The following PXN variants were observed in gnomAD, a reference collection of about 807,000 sequenced individuals.
The protein encoded by PXN is paxillin, also known as testicular tissue protein Li 134.
Under a neutral mutation model 103.6 loss-of-function variants are expected in PXN, and 61 were observed. The ratio of observed to expected loss-of-function variants is 0.59; its 90% confidence interval spans 0.48 to 0.73. The LOEUF is 0.73. Among genes scored for constraint, PXN ranks in the 30% least tolerant of loss-of-function variants. The pLI is 0.00. For missense variants in PXN, 1,274 were observed against 1,460.3 expected, an observed-to-expected ratio of 0.87 and a Z score of 2.08; for synonymous variants, 562 against 607.8, an observed-to-expected ratio of 0.92 and a Z score of 1.11.
chr12:120,228,043 G>A lies in PXN; in HGVS notation c.14-3666C>T, dbSNP rs984663318. 2.6e-5 allele frequency among the ~76,000 whole-genome samples: 4 copies of A among 152,174 alleles called. No individual in the cohort carries two copies. Among genetic ancestry groups the A allele is most frequent in the African/African-American group, 9.7e-5 (4 of 41,434 alleles). ...ATATTCCTGCTCCTCATACCCCAAA[G>A]AAGGTGTCAGGCTATCCACTCTTCA... On this transcript the variant is annotated intron_variant, in intron 1 of 14. Coordinates refer to ENST00000637617, the MANE Select transcript of PXN (RefSeq NM_001385981.1). The surrounding 1 kb of genome is among the most constrained non-coding windows in gnomAD (Gnocchi z 4.7).
intron 2 of PXN, 127 bp from the exon 3 acceptor site, chr12:120,223,960 G>A: frequency 1.2e-6 from 1 of 869,396 alleles, no homozygotes; most frequent in South Asian, 1.7e-5. Flanking sequence ...TTCCACAGTT[G>A]GGCCAGGAAA....
Position 120,224,302 on chromosome 12 carries a change from G to A in PXN, c.89C>T (p.Pro30Leu). The A allele has an allele frequency of 5.6e-6, 9 of 1,613,978 alleles. No individual in the cohort carries two copies. The highest frequency in any genetic ancestry group is 1.1e-5 in the South Asian group (1 of 91,080). The change falls in exon 2 of 15, where the codon CCC becomes CTC. Residue 30 changes from proline to leucine, a missense_variant. Pro to Leu is a moderately conservative substitution (Grantham distance 98). Transcript: ENST00000637617. This position sits in a 1 kb window ranked among gnomAD's most constrained non-coding sequence, Gnocchi z 5.0. ...KRPVFLSEET[P>L]YSYPTGNHTY... is the part of the protein sequence containing the mutation. Reference sequence around the variant, plus strand: ...GTGGTTTCCAGTTGGGTATGAGTAGGGGGTCTCCTCCGACAAGAACACAGG... The same window carrying A: ...GTGGTTTCCAGTTGGGTATGAGTAGAGGGTCTCCTCCGACAAGAACACAGG...
At position 120,223,748 on chromosome 12, in the gene PXN, G is replaced by T; in HGVS notation, c.326C>A (p.Ser109Tyr). The T allele has an allele frequency of 1.2e-6, 2 of 1,605,920 alleles. No individual in the cohort carries two copies. The highest frequency in any genetic ancestry group is 2.2e-5 in the South Asian group (2 of 89,298). Reference sequence around the variant, plus strand: ...GACGTGCTCCTCCTCACCCACTCGGGAGCACGGAGAGCCAACACTGTCCTG... The same window carrying T: ...GACGTGCTCCTCCTCACCCACTCGGTAGCACGGAGAGCCAACACTGTCCTG... Reference protein sequence around the residue: ...NPQDSVGSPCSRVGEEEHVYS... With the variant: ...NPQDSVGSPCYRVGEEEHVYS... Residue 109 changes from serine (S) to tyrosine (Y), a missense_variant, in exon 3 of 15, where the codon TCC becomes TAC. Coordinates refer to ENST00000637617, the MANE Select transcript of PXN (RefSeq NM_001385981.1).
chr12:120,235,463 C>G (rs541065417), intron 1 of PXN, among the ~76,000 whole-genome samples: 1 of 152,228 alleles, frequency 6.6e-6, no homozygotes, highest in African/African-American at 2.4e-5. Flanking sequence ...GACTGCGCTG[C>G]CTGACTGCAG....
chr12:120,213,088 T>A lies in PXN; in HGVS notation c.2980-508A>T, dbSNP rs1162970844. On this transcript the variant is annotated intron_variant, in intron 14 of 14. Coordinates refer to ENST00000637617, the MANE Select transcript of PXN (RefSeq NM_001385981.1). The surrounding 1 kb of genome is among the most constrained non-coding windows in gnomAD (Gnocchi z 4.2). The stretch of plus-strand genomic sequence containing the variant: ...CACATCACATATAGGTAGAAAAGGC[T>A]CTGAGAGGGGCCGGGTGAGGTGGCT... 1.3e-5 allele frequency: 2 copies of A among 153,764 alleles called. No homozygotes were observed. The highest frequency in any genetic ancestry group is 1.3e-4 in the Admixed American group (2 of 15,506). The allele number at this position is 153,764 out of a possible 1,614,324, so 9.5% of individuals were successfully genotyped here.
At chr12:120,223,854 A>C in intron 2 of PXN, 21 bp from the exon 3 acceptor site, 2 of 1,538,436 alleles carry the variant, frequency 1.3e-6, no homozygotes, top group Non-Finnish European at 1.8e-6. Flanking sequence ...GAGAATGCTC[A>C]GAGGCTACCC....
In PXN at chr12:120,219,779, G is replaced by T; in HGVS notation, c.1144C>A (p.Arg382=). Residue 382 remains arginine (R), a synonymous_variant, in exon 7 of 15, where the codon CGA becomes AGA. Coordinates refer to ENST00000637617, the MANE Select transcript of PXN (RefSeq NM_001385981.1). The surrounding 1 kb of genome is among the most constrained non-coding windows in gnomAD (Gnocchi z 6.5). ...LWAVGTESQG[R]DWRHLPTITS... ...ATGGTCGGCAGGTGCCTCCAATCTC[G>T]ACCCTGACTCTCTGTGCCCACTGCC... is the stretch of plus-strand genomic sequence containing the variant. 2 of 1,597,892 alleles carry T rather than the reference G, an allele frequency of 1.3e-6. No individual in the cohort carries two copies. Among genetic ancestry groups the T allele is most frequent in the South Asian group, 2.2e-5 (2 of 90,984 alleles).
Position 120,214,922 on chromosome 12 carries a change from C to T in PXN, c.2651G>A (p.Arg884Gln), listed in dbSNP as rs111674215. 1.9e-3 allele frequency: 3,082 copies of T among 1,613,992 alleles called. 16 individuals are homozygous for T. The Middle Eastern group carries it at 0.022, about 11-fold the overall frequency. Residue 884 changes from arginine to glutamine, a missense_variant, in exon 12 of 15, where the codon CGG (arginine) becomes CAG (glutamine). Arg to Gln is a conservative substitution (Grantham distance 43). Coordinates refer to ENST00000637617, the MANE Select transcript of PXN (RefSeq NM_001385981.1). This position sits in a 1 kb window ranked among gnomAD's most constrained non-coding sequence, Gnocchi z 5.0. ...CTGTCCATCCCGCTCGAAGAAGTTC[C>T]GGGATCCGATCTCCTCCTGGCAGTG... The part of the protein sequence containing the change: ...CTHCQEEIGS[R>Q]NFFERDGQPY...
Position 120,212,919 on chromosome 12 carries a change from G to A in PXN, c.2980-339C>T. 4.6e-6 allele frequency: 1 copy of A among 218,944 alleles called. No homozygotes were observed. The allele number at this position is 218,944 out of a possible 1,614,324, so 13.6% of individuals were successfully genotyped here. A position where few individuals can be genotyped will look rare whatever the true frequency, so the allele number is the denominator to read the frequency against. ...GGTGAAGTAACTTGCCCAGGGTCAT[G>A]CAGCTACTGAGGTCACAGCCTGGAT... On this transcript the variant is annotated intron_variant, in intron 14 of 14. Transcript: ENST00000637617. This position sits in a 1 kb window ranked among gnomAD's most constrained non-coding sequence, Gnocchi z 7.2.
In PXN at chr12:120,224,675, C is replaced by T. The variant is rs1323490091; in HGVS notation, c.14-298G>A. 4.7e-6 allele frequency: 3 copies of T among 635,376 alleles called. No individual in the cohort carries two copies. Among genetic ancestry groups the T allele is most frequent in the African/African-American group, 3.6e-5 (2 of 55,976 alleles). The allele number at this position is 635,376 out of a possible 1,614,324, so 39.4% of individuals were successfully genotyped here. On this transcript the variant is annotated intron_variant, in intron 1 of 14. Transcript: ENST00000637617. The surrounding 1 kb of genome is among the most constrained non-coding windows in gnomAD (Gnocchi z 5.0). ...AGTCAGGCACCTGGCACTGCGTTCC[C>T]TCCTGACAGGGCCGCGCAGCCGCGA...
intron 1 of PXN, among the ~76,000 whole-genome samples, chr12:120,232,195 CTT>C (rs1417140679): frequency 6.6e-6 from 1 of 152,114 alleles, no homozygotes; most frequent in Non-Finnish European, 1.5e-5. Context: ...CTTTTAAAAA[CTT>C]TTTTGTAGAG....
rs542583328 is a variant in PXN at position 120,245,207 on chromosome 12, G to C, written c.13+20410C>G. ...GGAGGCAGGGGACATGAGCTGGAATGTGCGATTTTCTCAAACGTGCACCAC... is the reference window on the plus strand; with the variant it reads ...GGAGGCAGGGGACATGAGCTGGAATCTGCGATTTTCTCAAACGTGCACCAC... On this transcript the variant is annotated intron_variant, in intron 1 of 14. Coordinates refer to ENST00000637617, the MANE Select transcript of PXN (RefSeq NM_001385981.1). Among the ~76,000 whole-genome samples the C allele has an allele frequency of 3.9e-4, 59 of 152,244 alleles. No individual in the cohort carries two copies. The South Asian group carries it at 0.012, about 30-fold the overall frequency.
intron 1 of PXN, among the ~76,000 whole-genome samples, chr12:120,261,850 G>A (rs896356960): frequency 1.3e-5 from 2 of 152,226 alleles, no homozygotes; most frequent in Admixed American, 6.5e-5. Context: ...AGCTATGTCT[G>A]CCCAGGCAGC....
rs776853223 is a variant in PXN at position 120,224,395 on chromosome 12, G to C, written c.14-18C>G. ...CAGGGCGTCTGCAAAGAGAAGGCAC[G>C]GGTAGCAGGTGAGAACCGGGATCCT... On this transcript the variant is annotated intron_variant, in intron 1 of 14. Transcript: ENST00000637617. This position sits in a 1 kb window ranked among gnomAD's most constrained non-coding sequence, Gnocchi z 5.0. 6.9e-6 allele frequency: 11 copies of C among 1,591,336 alleles called. No homozygotes were observed. The highest frequency in any genetic ancestry group is 5.0e-5 in the Admixed American group (3 of 59,970).
rs1297395369 is a variant in PXN, at chr12:120,216,277, A to G, written c.2297T>C (p.Met766Thr). Reference protein sequence around the residue: ...QTDEDPLFPPMQIQGLEQRAD... With the variant: ...QTDEDPLFPPTQIQGLEQRAD... ...AGGGGCTCCTTTAAGGCCTGCCTGC[A>G]TCGGGGGGAAGAGCGGGTCCTCATC... The change falls in exon 9 of 15, where the codon ATG becomes ACG. Residue 766 changes from methionine (M) to threonine (T), a missense_variant. Around this residue, in one of 2 missense-constraint regions of PXN, gnomAD observed 1,178 missense variants for 1,309.0 expected, o/e 0.90. Transcript: ENST00000637617. This position sits in a 1 kb window ranked among gnomAD's most constrained non-coding sequence, Gnocchi z 5.1. 31 of 1,277,828 alleles carry G rather than the reference A, an allele frequency of 2.4e-5. No individual in the cohort carries two copies. Among genetic ancestry groups the G allele is most frequent in the Non-Finnish European group, 3.0e-5 (31 of 1,016,666 alleles). The allele number at this position is 1,277,828 out of a possible 1,614,324, so 79.2% of individuals were successfully genotyped here.
At chr12:120,251,354 C>A (rs148798793) in intron 1 of PXN, among the ~76,000 whole-genome samples, 1,582 of 149,736 alleles carry the variant, frequency 0.011, 21 homozygotes, top group African/African-American at 0.037. Flanking sequence ...CCCACCTCTA[C>A]CAAAACTACA....
At position 120,222,855 on chromosome 12, in the gene PXN, G is replaced by A. The variant is rs759569914; in HGVS notation, c.493+8C>T. Reference sequence around the variant, plus strand: ...CTGGTAGACCCTGCCCCAGGGACCCGGTCCTACCTGCAGGGAAGCCTGGCG... The same window carrying A: ...CTGGTAGACCCTGCCCCAGGGACCCAGTCCTACCTGCAGGGAAGCCTGGCG... On this transcript the variant is annotated splice_region_variant and intron_variant, in intron 4 of 14. Transcript: ENST00000637617. This position sits in a 1 kb window ranked among gnomAD's most constrained non-coding sequence, Gnocchi z 4.7. 33 of 1,613,062 alleles carry A rather than the reference G, an allele frequency of 2.0e-5. No individual in the cohort carries two copies. Among genetic ancestry groups the A allele is most frequent in the East Asian group, 4.5e-5 (2 of 44,822 alleles).
intron 1 of PXN, among the ~76,000 whole-genome samples, chr12:120,260,025 A>T (rs1893628454): frequency 6.6e-6 from 1 of 152,172 alleles, no homozygotes; most frequent in African/African-American, 2.4e-5. Flanking sequence ...TCCTGAGCAG[A>T]GGAGGTGGCA....
chr12:120,216,641 G>A lies in PXN; in HGVS notation c.1993-60C>T. The A allele has an allele frequency of 1.3e-6, 2 of 1,548,986 alleles. No individual in the cohort carries two copies. Among genetic ancestry groups the A allele is most frequent in the South Asian group, 2.4e-5 (2 of 84,020 alleles). ...GAAATCGCCAGCTCAGCCCACAGGG[G>A]TGGCGGGACCTCCCCAGGCTCCCCC... is the stretch of plus-strand genomic sequence containing the variant. On this transcript the variant is annotated intron_variant, in intron 8 of 14. Coordinates refer to ENST00000637617, the MANE Select transcript of PXN (RefSeq NM_001385981.1). This position sits in a 1 kb window ranked among gnomAD's most constrained non-coding sequence, Gnocchi z 5.1.
Sources: gnomAD v4.1 joint callset for allele counts (sites outside exome capture counted in the v4.1 genomes callset) on GRCh38, gnomAD v4.1.1 for gene constraint, gnomAD v4.1.1 regional missense constraint, Gnocchi (gnomAD v3.1) non-coding constraint, MANE v1.5 for transcripts, NCBI Gene and HGNC (gene_info 2026-07-23, HGNC 2026-07-21) for gene names.